Variants in ABCC1 observed in about 807,000 individuals in gnomAD.
ABCC1 encodes the protein multidrug resistance-associated protein 1.
Under a neutral mutation model 172.9 loss-of-function variants are expected in ABCC1, and 83 were observed. The ratio of observed to expected loss-of-function variants is 0.48; its 90% confidence interval spans 0.40 to 0.58. The LOEUF (loss-of-function observed/expected upper bound fraction) is 0.58, where lower values mean the gene tolerates loss of function less well. Among genes scored for constraint, ABCC1 ranks in the 20% least tolerant of loss-of-function variants. The pLI, the probability that ABCC1 is intolerant of heterozygous loss-of-function variation, is 0.00. For missense variants in ABCC1, 1,817 were observed against 2,002.7 expected (o/e 0.91, Z 1.77); for synonymous variants, 937 against 825.2 (o/e 1.14, Z -2.32).
At chr16:16,000,403 C>T (rs1404736110) in intron 1 of ABCC1, among the ~76,000 whole-genome samples, 1 of 152,014 alleles carries the variant, frequency 6.6e-6, no homozygotes, top group African/African-American at 2.4e-5. Context: ...TGTCGGCCTC[C>T]CAAAGTGCCG....
intron 1 of ABCC1, among the ~76,000 whole-genome samples, chr16:15,994,864 A>G (rs1165782697): frequency 1.3e-5 from 2 of 151,374 alleles, no homozygotes; most frequent in Non-Finnish European, 2.9e-5. Flanking sequence ...CCTGGGTTCA[A>G]GCAATTCTCC....
chr16:16,118,444 T>TTCC (rs1555501544), intron 23 of ABCC1, among the ~76,000 whole-genome samples: 1 of 132,586 alleles, frequency 7.5e-6, no homozygotes, highest in Non-Finnish European at 1.7e-5. Flanking sequence ...TTTTTTTTTT[T>TTCC]CCCCTGCATT....
At chr16:16,027,292 T>C (rs2048408060) in intron 5 of ABCC1, among the ~76,000 whole-genome samples, 4 of 152,170 alleles carry the variant, frequency 2.6e-5, no homozygotes, top group Admixed American at 1.3e-4. Flanking sequence ...ACACTGTCTG[T>C]GGCAACCCCT....
chr16:16,100,359 GA>G (rs1247900574), intron 19 of ABCC1, among the ~76,000 whole-genome samples: 18 of 6,056 alleles, frequency 3.0e-3, no homozygotes, highest in Admixed American at 3.6e-3. Context: ...CTGCTGGTAG[GA>G]GAGCGGGGGG....
chr16:16,102,399 A>C (rs2051801250), intron 19 of ABCC1, among the ~76,000 whole-genome samples: 1 of 152,176 alleles, frequency 6.6e-6, no homozygotes, highest in South Asian at 2.1e-4. Context: ...CCTTCTGCAC[A>C]GTTGCAAAGC....
chr16:16,139,181 A>T (rs2046031455), intron 30 of ABCC1, among the ~76,000 whole-genome samples: 1 of 152,232 alleles, frequency 6.6e-6, no homozygotes, highest in Non-Finnish European at 1.5e-5. Context: ...AACCAACAGG[A>T]TTCCAGAGGG....
chr16:16,091,404 C>CAA (rs10648689), intron 19 of ABCC1, among the ~76,000 whole-genome samples: 46,463 of 108,358 alleles, frequency 0.43, 10,977 homozygotes, highest in Non-Finnish European at 0.55. Flanking sequence ...CCCAACTCTA[C>CAA]AAAAAAAAAA....
intron 10 of ABCC1, among the ~76,000 whole-genome samples, chr16:16,050,424 A>C (rs1304600979): frequency 1.6e-4 from 25 of 152,182 alleles, no homozygotes; most frequent in Admixed American, 1.4e-3. Flanking sequence ...GTACCACTGC[A>C]TACCAGCTTG....
chr16:16,044,477 C>T lies in ABCC1; in HGVS notation c.837C>T (p.Ser279=). 1 of 1,614,178 alleles carries T rather than the reference C, an allele frequency of 6.2e-7. No individual in the cohort carries two copies. Residue 279 remains serine, a synonymous_variant, in exon 8 of 31, where the codon TCC becomes TCT. Transcript: ENST00000399410. ...AGCCGGTGAAGGTTGTGTACTCCTC[C>T]AAGGATCCTGCCCAGCCGAAAGAGA... is the stretch of plus-strand genomic sequence containing the variant. ...RKQPVKVVYS[S]KDPAQPKESS...
chr16:16,114,701 C>A, intron 22 of ABCC1, 65 bp from the exon 23 acceptor site: 2 of 1,482,182 alleles, frequency 1.3e-6, no homozygotes, highest in Non-Finnish European at 1.8e-6. Context: ...CATGGCCACT[C>A]CTCCCTGCAG....
At position 16,133,682 on chromosome 16, in the gene ABCC1, G is replaced by C. The variant is rs552549326; in HGVS notation, c.3967-668G>C. Among the ~76,000 whole-genome samples the C allele has an allele frequency of 2.0e-5, 3 of 152,244 alleles. 1 individual carries two copies. The highest frequency in any genetic ancestry group is 7.2e-5 in the African/African-American group (3 of 41,548). ...GCCTCCCAAAGTGCTGGGACTACAG[G>C]CATGAGCCACCGTGCCCCAGCCCTT... On this transcript the variant is annotated intron_variant, in intron 27 of 30. Transcript: ENST00000399410.
intron 10 of ABCC1, among the ~76,000 whole-genome samples, chr16:16,048,601 C>G (rs2049309841): frequency 6.6e-6 from 1 of 152,200 alleles, no homozygotes; most frequent in African/African-American, 2.4e-5. Flanking sequence ...CCCTTGAATC[C>G]TCCCAAACGC....
chr16:16,131,684 A>AG, intron 26 of ABCC1, 105 bp from the exon 27 acceptor site: 2 of 1,361,202 alleles, frequency 1.5e-6, no homozygotes, highest in Admixed American at 4.7e-5. Context: ...GAGGCCTGGG[A>AG]GGCCACCTTG....
rs186371968 is a variant in ABCC1 at position 16,085,886 on chromosome 16, A to C, written c.2293-938A>C. The stretch of plus-strand genomic sequence containing the variant: ...GGCAGTAACCTGTGATTTCCAGCCA[A>C]ATAGGGAAACGACGTTGGCTTATCT... On this transcript the variant is annotated intron_variant, in intron 17 of 30. Coordinates refer to ENST00000399410, the MANE Select transcript of ABCC1 (RefSeq NM_004996.4). Among the ~76,000 whole-genome samples the C allele has an allele frequency of 1.7e-3, 252 of 152,228 alleles. 2 individuals carry two copies. The highest frequency in any genetic ancestry group is 5.5e-3 in the African/African-American group (228 of 41,532).
In ABCC1 at chr16:15,979,605, T is replaced by C. The variant is rs537394127; in HGVS notation, c.49-28211T>C. ...AGTTTAGTACATTCAGAATTGTGCATGTCTCCTGTCTCCAGGTAGGCAAAT... is the reference window on the plus strand; with the variant it reads ...AGTTTAGTACATTCAGAATTGTGCACGTCTCCTGTCTCCAGGTAGGCAAAT... On this transcript the variant is annotated intron_variant, in intron 1 of 30. Transcript: ENST00000399410. Among the ~76,000 whole-genome samples, 5 of 152,224 alleles carry C rather than the reference T, an allele frequency of 3.3e-5. 1 individual carries two copies. The South Asian group carries it at 8.3e-4, about 25-fold the overall frequency.
At chr16:16,021,311 G>A (rs947544335) in intron 5 of ABCC1, among the ~76,000 whole-genome samples, 14 of 148,426 alleles carry the variant, frequency 9.4e-5, no homozygotes, top group Non-Finnish European at 2.1e-4. Flanking sequence ...GGTGTCAAGA[G>A]CCTTATTTTT....
intron 16 of ABCC1, 28 bp downstream of exon 16, chr16:16,079,506 A>G (rs773536640): frequency 6.3e-7 from 1 of 1,593,990 alleles, no homozygotes. Flanking sequence ...GGGGAGGGGC[A>G]GTGGGGAAGC....
intron 22 of ABCC1, among the ~76,000 whole-genome samples, chr16:16,113,433 A>T (rs1392952806): frequency 6.6e-6 from 1 of 152,166 alleles, no homozygotes; most frequent in East Asian, 1.9e-4. Flanking sequence ...AGGCGGGTGG[A>T]TCGCTTAATC....
chr16:16,116,277 CA>C (rs767339613), intron 23 of ABCC1, among the ~76,000 whole-genome samples: 1 of 152,000 alleles, frequency 6.6e-6, no homozygotes, highest in Non-Finnish European at 1.5e-5. Context: ...ATATTTCAGT[CA>C]GTGAGATCAA....
Sources: allele counts gnomAD v4.1 joint callset (sites outside exome capture counted in the v4.1 genomes callset), GRCh38; gene constraint gnomAD v4.1.1; transcripts MANE v1.5; gene names NCBI Gene and HGNC (gene_info 2026-07-23, HGNC 2026-07-21).